TRPM8: variants seen among roughly 807,000 people sequenced by gnomAD.
TRPM8 encodes the protein transient receptor potential cation channel subfamily M member 8, also known as TRPM8 cationic channel.
A neutral mutation model predicts 133.7 loss-of-function variants in TRPM8; 110 were observed. That is an observed-to-expected ratio of 0.82 (90% CI 0.70 to 0.96). The LOEUF is 0.96. Among genes scored for constraint, TRPM8 ranks in the 40% least tolerant of loss-of-function variants. The pLI is 0.00. For missense variants in TRPM8, 1,291 were observed against 1,379.5 expected, an observed-to-expected ratio of 0.94 and a Z score of 1.02; for synonymous variants, 535 against 532.3, an observed-to-expected ratio of 1.01 and a Z score of -0.07.
intron 12 of TRPM8, among the ~76,000 whole-genome samples, chr2:233,962,310 AAGG>A (rs1387505264): frequency 6.6e-6 from 1 of 152,176 alleles, no homozygotes; most frequent in African/African-American, 2.4e-5. Flanking sequence ...CCCCCACTTG[AAGG>A]AGCTGACTTT....
chr2:233,975,664 T>C (rs142565661), intron 17 of TRPM8, among the ~76,000 whole-genome samples: 489 of 152,312 alleles, frequency 3.2e-3, no homozygotes, highest in African/African-American at 0.011. Flanking sequence ...GCGGATCACC[T>C]GAGCTCAGGA....
In TRPM8 at chr2:234,007,726, C is replaced by T. The variant is rs920007063; in HGVS notation, c.3231-344C>T. On this transcript the variant is annotated intron_variant, in intron 23 of 25. Transcript: ENST00000324695. ...GCTGTTGAAAGAAGCATGGGATGCT[C>T]GTTCTAACAACAGAGATGATGTCAT... Among the ~76,000 whole-genome samples the T allele has an allele frequency of 5.9e-4, 90 of 152,308 alleles. 1 individual carries two copies. The highest frequency in any genetic ancestry group is 3.4e-3 in the Middle Eastern group (1 of 294).
At chr2:234,005,766 C>T (rs1692676913) in intron 22 of TRPM8, among the ~76,000 whole-genome samples, 1 of 152,010 alleles carries the variant, frequency 6.6e-6, no homozygotes, top group Non-Finnish European at 1.5e-5. Flanking sequence ...TAAAAATTAG[C>T]TGGGTTTGGT....
chr2:233,939,305 T>C (rs1690845222), intron 5 of TRPM8, 130 bp downstream of exon 5: 1 of 1,025,884 alleles, frequency 9.7e-7, no homozygotes, highest in Admixed American at 2.7e-5. Flanking sequence ...TTAATCGTTA[T>C]CTTATTGAAA....
In TRPM8 at chr2:233,946,046, G is replaced by T; in HGVS notation, c.874+16G>T. On this transcript the variant is annotated intron_variant, in intron 7 of 25. Transcript: ENST00000324695. The stretch of plus-strand genomic sequence containing the variant: ...ACTATTCAAGGTCAGTGGTTAGGAG[G>T]TAGGACACTAGAAGTGTACAATAAC... 6.2e-7 allele frequency: 1 copy of T among 1,612,322 alleles called. No individual in the cohort carries two copies. Among genetic ancestry groups the T allele is most frequent in the Non-Finnish European group, 8.5e-7 (1 of 1,178,770 alleles).
chr2:233,997,943 A>G (rs1460165122), intron 22 of TRPM8, among the ~76,000 whole-genome samples: 1 of 152,186 alleles, frequency 6.6e-6, no homozygotes, highest in Non-Finnish European at 1.5e-5. Context: ...AGGAAACCAC[A>G]TCAGGCTTGA....
At chr2:233,923,880 T>C (rs577910575) in intron 1 of TRPM8, among the ~76,000 whole-genome samples, 2 of 152,246 alleles carry the variant, frequency 1.3e-5, no homozygotes, top group East Asian at 3.9e-4. Context: ...AGGCTTACAA[T>C]CAATGTGAAA....
intron 2 of TRPM8, among the ~76,000 whole-genome samples, chr2:233,929,163 A>G (rs758276): frequency 0.41 from 63,082 of 152,022 alleles, 18,490 homozygotes; most frequent in African/African-American, 0.81. Context: ...GCTATGAACA[A>G]CAATACCACT....
chr2:233,975,214 G>A (rs997345108), intron 17 of TRPM8, among the ~76,000 whole-genome samples: 1 of 152,112 alleles, frequency 6.6e-6, no homozygotes, highest in Non-Finnish European at 1.5e-5. Flanking sequence ...TGTTGGCACC[G>A]ACACGTTTCT....
At chr2:234,000,019 T>G (rs1313147263) in intron 22 of TRPM8, among the ~76,000 whole-genome samples, 1 of 152,234 alleles carries the variant, frequency 6.6e-6, no homozygotes, top group African/African-American at 2.4e-5. Context: ...CGTGTATGTT[T>G]TCCATCCTTG....
intron 22 of TRPM8, among the ~76,000 whole-genome samples, chr2:234,000,507 A>G (rs967070609): frequency 3.9e-5 from 6 of 152,142 alleles, no homozygotes; most frequent in Non-Finnish European, 5.9e-5. Context: ...TAAATTATTC[A>G]GTTATCTTGT....
intron 22 of TRPM8, among the ~76,000 whole-genome samples, chr2:234,004,706 T>C (rs572101919): frequency 2.0e-5 from 3 of 152,240 alleles, no homozygotes; most frequent in South Asian, 2.1e-4. Flanking sequence ...ATATTCATTA[T>C]AGGACATTTG....
intron 12 of TRPM8, among the ~76,000 whole-genome samples, chr2:233,961,657 T>A (rs1209376709): frequency 1.5e-5 from 2 of 135,228 alleles, no homozygotes; most frequent in East Asian, 4.3e-4. Flanking sequence ...TGAGACAGAG[T>A]CCCACTCTGT....
In TRPM8 at chr2:233,983,042, T is replaced by C; in HGVS notation, c.2590-11T>C. 1 of 1,608,548 alleles carries C rather than the reference T, an allele frequency of 6.2e-7. No individual in the cohort carries two copies. Reference sequence around the variant, plus strand: ...CGGTCCTGACTCCGCTCTCCTGTCCTCCCCTGACAGCTGATCGATGTGTTC... The same window carrying C: ...CGGTCCTGACTCCGCTCTCCTGTCCCCCCCTGACAGCTGATCGATGTGTTC... On this transcript the variant is annotated splice_polypyrimidine_tract_variant and intron_variant, in intron 19 of 25. Transcript: ENST00000324695.
intron 11 of TRPM8, among the ~76,000 whole-genome samples, chr2:233,957,769 G>A (rs1444389485): frequency 6.6e-6 from 1 of 152,142 alleles, no homozygotes; most frequent in African/African-American, 2.4e-5. Context: ...TGTCACATTG[G>A]TAGCTGAAAC....
At chr2:233,944,167 G>T (rs182965133) in intron 6 of TRPM8, among the ~76,000 whole-genome samples, 117 of 152,172 alleles carry the variant, frequency 7.7e-4, no homozygotes, top group Admixed American at 2.2e-3. Flanking sequence ...CAGAGTGAAT[G>T]GTAGCTTCTA....
At chr2:233,921,688 T>TA (rs1691415372) in intron 1 of TRPM8, among the ~76,000 whole-genome samples, 1 of 145,780 alleles carries the variant, frequency 6.9e-6, no homozygotes, top group Non-Finnish European at 1.5e-5. Context: ...TTTTTTTTTT[T>TA]TTTTTTGAGA....
rs1276005223 is a variant in TRPM8 at position 233,927,918 on chromosome 2, CTCTCTT to C, written c.117+1270_117+1275del. Among the ~76,000 whole-genome samples the C allele has an allele frequency of 3.0e-4, 12 of 39,348 alleles. No homozygotes were observed. The East Asian group carries it at 3.1e-3, about 10-fold the overall frequency. 25.8% of individuals were successfully genotyped at this position (39,348 alleles called of 152,430 possible). On this transcript the variant is annotated intron_variant, in intron 2 of 25. Transcript: ENST00000324695. ...TCTTTCTTTCTTTCTTTCTCTCTCT[CTCTCTT>C]TCTCTCTCTCTCTCTCTCTCTCTCT...
intron 20 of TRPM8, among the ~76,000 whole-genome samples, chr2:233,983,743 TTG>T (rs1692073650): frequency 6.6e-6 from 1 of 152,186 alleles, no homozygotes; most frequent in African/African-American, 2.4e-5. Context: ...GCTATGTAAA[TTG>T]TGTGTTTTGG....
Sources: allele counts gnomAD v4.1 joint callset (sites outside exome capture counted in the v4.1 genomes callset), GRCh38; gene constraint gnomAD v4.1.1; transcripts MANE v1.5; gene names NCBI Gene and HGNC (gene_info 2026-07-23, HGNC 2026-07-21).